Variants in CEP164 observed in about 807,000 individuals in gnomAD.
The protein encoded by CEP164 is centrosomal protein 164.
A neutral mutation model predicts 182.7 loss-of-function variants in CEP164; 162 were observed. The ratio of observed to expected loss-of-function variants is 0.89; its 90% CI spans 0.78 to 1.01. CEP164 has a LOEUF of 1.01. Among genes scored for constraint, CEP164 ranks in the 50% least tolerant of loss-of-function variants. The pLI is 0.00. For synonymous variants in CEP164, 661 were observed against 690.0 expected, an observed-to-expected ratio of 0.96 and a Z score of 0.66; for missense variants, 1,735 against 1,790.4, an observed-to-expected ratio of 0.97 and a Z score of 0.56.
chr11:117,392,512 A>T lies in CEP164; in HGVS notation c.2378A>T (p.Gln793Leu), dbSNP rs1159625251. The change falls in exon 19 of 33, where the codon CAG becomes CTG. Residue 793 changes from glutamine (Q) to leucine (L), a missense_variant. Coordinates refer to ENST00000278935, the MANE Select transcript of CEP164 (RefSeq NM_014956.5). Reference sequence around the variant, plus strand: ...CCTCCTCAGGTGGTCTCCAGCCTCCAGAAGAAGATACAGGAAGCTCAACAG... The same window carrying T: ...CCTCCTCAGGTGGTCTCCAGCCTCCTGAAGAAGATACAGGAAGCTCAACAG... ...AKHREVVSSL[Q>L]KKIQEAQQKE... 6.2e-7 allele frequency: 1 copy of T among 1,613,964 alleles called. No homozygotes were observed. The highest frequency in any genetic ancestry group is 2.2e-5 in the East Asian group (1 of 44,884).
chr11:117,410,176 C>A, intron 30 of CEP164: 1 of 675,754 alleles, frequency 1.5e-6, no homozygotes, highest in South Asian at 1.6e-5. Context: ...GGTGGCCCTG[C>A]AGCCAGGAGT....
chr11:117,327,818 C>A (rs1029528816), upstream of CEP164: 1 of 152,278 alleles, frequency 6.6e-6, no homozygotes, highest in Non-Finnish European at 1.5e-5. Context: ...AGGCGGGACT[C>A]CCGGTTGCTA....
chr11:117,332,297 A>C (rs1480795209), intron 1 of CEP164, among the ~76,000 whole-genome samples: 1 of 152,140 alleles, frequency 6.6e-6, no homozygotes, highest in South Asian at 2.1e-4. Context: ...AATATTGGCC[A>C]GGCACGGTGG....
In CEP164 at chr11:117,409,752, G is replaced by A. The variant is rs370793843; in HGVS notation, c.3883G>A (p.Ala1295Thr). The A allele has an allele frequency of 2.5e-5, 41 of 1,613,876 alleles. 1 individual carries two copies. In the South Asian group the frequency reaches 3.7e-4, roughly 15 times the overall value. Residue 1295 changes from alanine (A) to threonine (T), a missense_variant, in exon 30 of 33, where the codon GCC becomes ACC. Ala to Thr is a moderately conservative substitution (Grantham distance 58). Coordinates refer to ENST00000278935, the MANE Select transcript of CEP164 (RefSeq NM_014956.5). This position sits in a 1 kb window ranked among gnomAD's most constrained non-coding sequence, Gnocchi z 4.4. ...LNPQSPPPLLASMPAQLPPRD... is the reference protein window; with the variant it reads ...LNPQSPPPLLTSMPAQLPPRD... ...CCCTCAGTCGCCGCCGCCGCTCCTCGCCTCCATGCCAGCCCAGCTCCCTCC... is the reference window on the plus strand; with the variant it reads ...CCCTCAGTCGCCGCCGCCGCTCCTCACCTCCATGCCAGCCCAGCTCCCTCC...
At chr11:117,408,166 T>C in intron 28 of CEP164, 134 bp downstream of exon 28, 1 of 593,344 alleles carries the variant, frequency 1.7e-6, no homozygotes, top group Non-Finnish European at 3.0e-6. Flanking sequence ...TAGGCTTGTC[T>C]ACTGGCTGAT....
At chr11:117,339,193 A>G (rs1311761579) in intron 3 of CEP164, among the ~76,000 whole-genome samples, 1 of 152,188 alleles carries the variant, frequency 6.6e-6, no homozygotes, top group East Asian at 1.9e-4. Flanking sequence ...GGCTGCTTCT[A>G]TGCTACAGCT....
chr11:117,367,381 CTGTTTTAGG>C (rs2041759390), intron 8 of CEP164, among the ~76,000 whole-genome samples: 1 of 152,212 alleles, frequency 6.6e-6, no homozygotes, highest in Non-Finnish European at 1.5e-5. Flanking sequence ...CCACGTTTTA[CTGTTTTAGG>C]TAAGGCAGAC....
chr11:117,350,620 A>G (rs888244152), intron 4 of CEP164, among the ~76,000 whole-genome samples: 1 of 150,326 alleles, frequency 6.7e-6, no homozygotes, highest in Admixed American at 6.6e-5. Flanking sequence ...TCTATTTTTC[A>G]TTTTCTCTTT....
chr11:117,373,407 TCTC>T (rs893516377), intron 9 of CEP164, among the ~76,000 whole-genome samples: 5 of 151,920 alleles, frequency 3.3e-5, no homozygotes, highest in African/African-American at 1.2e-4. Flanking sequence ...GGAAAGATGT[TCTC>T]CTTCTGTTTT....
rs139763142 is a variant in CEP164, at chr11:117,361,926, G to A, written c.485G>A (p.Arg162His). Residue 162 changes from arginine to histidine, a missense_variant, in exon 6 of 33, where the codon CGT (arginine) becomes CAT (histidine). Coordinates refer to ENST00000278935, the MANE Select transcript of CEP164 (RefSeq NM_014956.5). Reference protein sequence around the residue: ...GLVDTPPSALRGSQSVSLGSS... With the variant: ...GLVDTPPSALHGSQSVSLGSS... ...GTGGATACCCCACCCTCTGCTCTTCGTGGATCTCAAAGCGTGAGCCTGGGG... is the reference window on the plus strand; with the variant it reads ...GTGGATACCCCACCCTCTGCTCTTCATGGATCTCAAAGCGTGAGCCTGGGG... 32 of 1,610,734 alleles carry A rather than the reference G, an allele frequency of 2.0e-5. No individual in the cohort carries two copies. Among genetic ancestry groups the A allele is most frequent in the South Asian group, 7.7e-5 (7 of 90,410 alleles).
intron 30 of CEP164, 140 bp from the exon 31 acceptor site, chr11:117,410,688 C>A: frequency 1.6e-6 from 1 of 607,870 alleles, no homozygotes; most frequent in Non-Finnish European, 2.9e-6. Flanking sequence ...TAAATAGGAC[C>A]ATTCCTGTCT....
intron 5 of CEP164, among the ~76,000 whole-genome samples, chr11:117,359,836 A>C (rs1207775891): frequency 2.0e-5 from 3 of 152,160 alleles, no homozygotes; most frequent in African/African-American, 7.2e-5. Context: ...CCTAGCACTC[A>C]TCTCCTTGAG....
intron 8 of CEP164, chr11:117,364,043 G>A (rs1038025996): frequency 6.6e-6 from 1 of 152,012 alleles, no homozygotes; most frequent in African/African-American, 2.4e-5. Flanking sequence ...TGGAATTACA[G>A]GTGTGAGCCA....
At chr11:117,396,209 G>T in intron 25 of CEP164, 29 bp downstream of exon 25, 1 of 1,588,236 alleles carries the variant, frequency 6.3e-7, no homozygotes, top group Non-Finnish European at 8.6e-7. Flanking sequence ...CCTGGGGGCT[G>T]GGGCACCAGG....
intron 5 of CEP164, among the ~76,000 whole-genome samples, chr11:117,352,841 C>T (rs1224953747): frequency 6.6e-6 from 1 of 152,212 alleles, no homozygotes; most frequent in Non-Finnish European, 1.5e-5. Context: ...CCCGCCTCAG[C>T]CTCCCAAAGT....
chr11:117,356,019 G>GCAGCAGCAGCAA (rs2040255009), intron 5 of CEP164: 1 of 1,139,736 alleles, frequency 8.8e-7, no homozygotes, highest in Admixed American at 3.2e-5. Context: ...AGCAGCAGCA[G>GCAGCAGCAGCAA]CAACAGCAAC....
rs1475772108 is a variant in CEP164, at chr11:117,413,159, C to T, written c.*991C>T. The T allele has an allele frequency of 6.6e-6, 1 of 152,252 alleles. No individual in the cohort carries two copies. Among genetic ancestry groups the T allele is most frequent in the African/African-American group, 2.4e-5 (1 of 41,458 alleles). 9.4% of individuals were successfully genotyped at this position (152,252 alleles called of 1,614,324 possible). A position where few individuals can be genotyped will look rare whatever the true frequency, so the allele number is the denominator to read the frequency against. ...CCGTTGTGGCAGAGCGTCCTGCAGCCCCGCTTCCATCAGCAGGCTCTGGGG... is the reference window on the plus strand; with the variant it reads ...CCGTTGTGGCAGAGCGTCCTGCAGCTCCGCTTCCATCAGCAGGCTCTGGGG... On this transcript the variant is annotated 3_prime_UTR_variant, in exon 33 of 33. Transcript: ENST00000278935.
intron 1 of CEP164, 37 bp downstream of exon 1, chr11:117,327,941 C>T (rs1468383817): frequency 2.0e-5 from 3 of 152,438 alleles, no homozygotes; most frequent in Admixed American, 6.5e-5. Context: ...CTGCGCCTCG[C>T]CCAGAGCCTC....
At chr11:117,339,296 G>T (rs558005944) in intron 3 of CEP164, among the ~76,000 whole-genome samples, 2 of 152,206 alleles carry the variant, frequency 1.3e-5, no homozygotes, top group East Asian at 3.9e-4. Flanking sequence ...TGCTGTCTTT[G>T]GGTTAGAGCA....
Sources: allele counts gnomAD v4.1 joint callset (sites outside exome capture counted in the v4.1 genomes callset), GRCh38; gene constraint gnomAD v4.1.1; non-coding constraint Gnocchi (gnomAD v3.1); transcripts MANE v1.5; gene names NCBI Gene and HGNC (gene_info 2026-07-23, HGNC 2026-07-21).